The following FNDC3A variants were observed in gnomAD, a reference collection of about 807,000 sequenced individuals.
FNDC3A encodes fibronectin type III domain containing 3A, also known as fibronectin type-III domain-containing protein 3A.
Under a neutral mutation model 148.9 loss-of-function variants are expected in FNDC3A, and 32 were observed. The ratio of observed to expected loss-of-function variants is 0.21; its 90% CI spans 0.16 to 0.29. The LOEUF is 0.29. Ranked by LOEUF, FNDC3A falls within the 10% of genes least tolerant of loss-of-function variation. The pLI, the probability that FNDC3A is intolerant of heterozygous loss-of-function variation, is 1.00. For missense variants in FNDC3A, 1,191 were observed against 1,452.8 expected (o/e 0.82, Z 2.93); for synonymous variants, 472 against 473.6 (o/e 1.00, Z 0.04).
At chr13:49,151,160 T>A (rs1296099269) in intron 8 of FNDC3A, among the ~76,000 whole-genome samples, 2 of 152,206 alleles carry the variant, frequency 1.3e-5, no homozygotes, top group Admixed American at 6.5e-5. Flanking sequence ...CTAGATGATC[T>A]GTCTAATGCT....
At chr13:49,159,569 G>C (rs1398834090) in intron 8 of FNDC3A, among the ~76,000 whole-genome samples, 1 of 152,294 alleles carries the variant, frequency 6.6e-6, no homozygotes, top group East Asian at 1.9e-4. Flanking sequence ...TGCAGACAGG[G>C]ACAATTTGAC....
intron 2 of FNDC3A, among the ~76,000 whole-genome samples, chr13:49,018,528 TTC>T (rs1487521996): frequency 2.0e-5 from 3 of 152,296 alleles, no homozygotes; most frequent in Non-Finnish European, 4.4e-5. Flanking sequence ...AGTTTTCAAC[TTC>T]TTTGCCTTTG....
chr13:49,060,478 CA>C (rs1176697964), intron 2 of FNDC3A, among the ~76,000 whole-genome samples: 1 of 151,746 alleles, frequency 6.6e-6, no homozygotes, highest in African/African-American at 2.4e-5. Flanking sequence ...ACCCCATCTC[CA>C]TTAAAAATAT....
chr13:49,041,275 T>C (rs1170668310), intron 2 of FNDC3A, among the ~76,000 whole-genome samples: 2 of 152,238 alleles, frequency 1.3e-5, no homozygotes, highest in Non-Finnish European at 2.9e-5. Flanking sequence ...AATAATTCCC[T>C]AAAATAACTA....
intron 2 of FNDC3A, among the ~76,000 whole-genome samples, chr13:49,040,007 C>T (rs1217792795): frequency 1.3e-5 from 2 of 152,210 alleles, no homozygotes; most frequent in Non-Finnish European, 2.9e-5. Context: ...AGCCACCGTG[C>T]TGGCCCTGTT....
At chr13:49,135,540 G>A (rs1408243896) in intron 5 of FNDC3A, among the ~76,000 whole-genome samples, 1 of 151,990 alleles carries the variant, frequency 6.6e-6, no homozygotes, top group Non-Finnish European at 1.5e-5. Context: ...AGAGGTCCAC[G>A]TTCATTCTAA....
chr13:49,048,483 T>C (rs565589170), intron 2 of FNDC3A, among the ~76,000 whole-genome samples: 9 of 152,288 alleles, frequency 5.9e-5, no homozygotes, highest in African/African-American at 2.2e-4. Flanking sequence ...TTGTGTCATC[T>C]GTGATTTCTT....
chr13:49,019,091 A>T (rs1426748869), intron 2 of FNDC3A, among the ~76,000 whole-genome samples: 1 of 152,254 alleles, frequency 6.6e-6, no homozygotes, highest in Non-Finnish European at 1.5e-5. Context: ...TGGAGCCTAC[A>T]GCGGCAGGCA....
intron 8 of FNDC3A, among the ~76,000 whole-genome samples, chr13:49,161,461 C>T (rs530403287): frequency 6.6e-6 from 1 of 152,166 alleles, no homozygotes; most frequent in Admixed American, 6.5e-5. Context: ...GGTAGATCTT[C>T]CTCCATCCCT....
chr13:49,172,079 G>T lies in FNDC3A; in HGVS notation c.1213G>T (p.Val405Leu), dbSNP rs754669824. The change falls in exon 11 of 26, where the codon GTA (valine) becomes TTA (leucine). Residue 405 changes from valine (V) to leucine (L), a missense_variant. By Grantham distance (32) the Val-to-Leu change is conservative (BLOSUM62 1). This residue lies in a region of FNDC3A where 14 missense variants were observed against 35.5 expected (regional missense o/e 0.39). Coordinates refer to ENST00000492622, the MANE Select transcript of FNDC3A (RefSeq NM_001079673.2). ...CAATGGTTCTAAAATCCAAAACTTT[G>T]TATTAGAATGGGATGAAGTAAGTAA... is the stretch of plus-strand genomic sequence containing the variant. ...SDNGSKIQNF[V>L]LEWDEGKGNG... 4 of 1,603,080 alleles carry T rather than the reference G, an allele frequency of 2.5e-6. No individual in the cohort carries two copies. In the East Asian group the frequency reaches 9.0e-5, roughly 36 times the overall value.
chr13:48,987,962 T>C (rs890829932), intron 1 of FNDC3A: 14 of 152,214 alleles, frequency 9.2e-5, no homozygotes, highest in African/African-American at 3.4e-4. Flanking sequence ...CAGAGAAGAT[T>C]AGCATGGCCC....
At chr13:49,006,014 A>G in intron 1 of FNDC3A, 138 bp from the exon 2 acceptor site, 1 of 402,962 alleles carries the variant, frequency 2.5e-6, no homozygotes, top group Admixed American at 4.3e-5. Flanking sequence ...TGGAAAAAAA[A>G]GCAGTCAACA....
At chr13:49,090,485 C>T (rs868238754) in intron 3 of FNDC3A, among the ~76,000 whole-genome samples, 2 of 152,150 alleles carry the variant, frequency 1.3e-5, no homozygotes, top group African/African-American at 4.8e-5. Context: ...GCTTTGACCT[C>T]TGACTGGGGT....
At chr13:49,093,547 G>A (rs1277179768) in intron 3 of FNDC3A, among the ~76,000 whole-genome samples, 1 of 152,102 alleles carries the variant, frequency 6.6e-6, no homozygotes, top group Non-Finnish European at 1.5e-5. Context: ...TTGAGACACA[G>A]GTTAATAATT....
intron 5 of FNDC3A, among the ~76,000 whole-genome samples, chr13:49,134,379 C>A (rs182766133): frequency 6.6e-6 from 1 of 151,894 alleles, no homozygotes; most frequent in African/African-American, 2.4e-5. Flanking sequence ...AATAGTACTT[C>A]GTTCCTTTTT....
intron 2 of FNDC3A, among the ~76,000 whole-genome samples, chr13:49,049,121 T>G (rs924469470): frequency 6.6e-6 from 1 of 152,194 alleles, no homozygotes; most frequent in Non-Finnish European, 1.5e-5. Flanking sequence ...TATTGACTTA[T>G]GTATGTTAAG....
rs566026805 is a variant in FNDC3A, at chr13:49,124,826, A to G, written c.253-6311A>G. On this transcript the variant is annotated intron_variant, in intron 4 of 25. Coordinates refer to ENST00000492622, the MANE Select transcript of FNDC3A (RefSeq NM_001079673.2). Reference sequence around the variant, plus strand: ...GTAGAAGGAACTTAATTCACTGGCAAATAGTACTAACTTAGAGTCCCTAAG... The same window carrying G: ...GTAGAAGGAACTTAATTCACTGGCAGATAGTACTAACTTAGAGTCCCTAAG... Among the ~76,000 whole-genome samples the G allele has an allele frequency of 3.3e-5, 5 of 152,326 alleles. No individual in the cohort carries two copies. The South Asian group carries it at 1.0e-3, about 32-fold the overall frequency.
chr13:49,010,548 A>G (rs540699237), intron 2 of FNDC3A, among the ~76,000 whole-genome samples: 1 of 152,242 alleles, frequency 6.6e-6, no homozygotes, highest in Non-Finnish European at 1.5e-5. Flanking sequence ...TAAAGAATCT[A>G]AGAAAACACA....
intron 8 of FNDC3A, among the ~76,000 whole-genome samples, chr13:49,164,570 A>G (rs1884350173): frequency 6.6e-6 from 1 of 151,442 alleles, no homozygotes; most frequent in Non-Finnish European, 1.5e-5. Flanking sequence ...ATAGTGTCTC[A>G]TATGTCACAT....
Sources: gnomAD v4.1 joint callset for allele counts (sites outside exome capture counted in the v4.1 genomes callset) on GRCh38, gnomAD v4.1.1 for gene constraint, gnomAD v4.1.1 regional missense constraint, MANE v1.5 for transcripts, NCBI Gene and HGNC (gene_info 2026-07-23, HGNC 2026-07-21) for gene names.